The following TENM2 variants were observed in gnomAD, a reference collection of about 807,000 sequenced individuals.
The protein encoded by TENM2 is teneurin transmembrane protein 2, also known as teneurin-2.
Under a neutral mutation model 245.2 loss-of-function variants are expected in TENM2, and 52 were observed. The ratio of observed to expected loss-of-function variants is 0.21; its 90% CI spans 0.17 to 0.27. The LOEUF is 0.27. Ranked by LOEUF, TENM2 falls within the 10% of genes least tolerant of loss-of-function variation. TENM2 has a pLI of 1.00. For missense variants in TENM2, 3,046 were observed against 3,666.8 expected (o/e 0.83, Z 4.37); for synonymous variants, 1,363 against 1,438.9 (o/e 0.95, Z 1.19).
At chr5:167,165,802 T>TA in the TENM2 span, among the ~76,000 whole-genome samples, 1 of 152,204 alleles carries the variant, frequency 6.6e-6, no homozygotes. Context: ...ATACCTTTTA[T>TA]AAAAGTTTAT....
Position 167,876,737 on chromosome 5 carries a change from G to A in TENM2, c.712+542G>A, listed in dbSNP as rs1056610282. Among the ~76,000 whole-genome samples, 27 of 152,138 alleles carry A rather than the reference G, an allele frequency of 1.8e-4. 1 individual carries two copies. The highest frequency in any genetic ancestry group is 5.2e-4 in the Admixed American group (8 of 15,268). The stretch of plus-strand genomic sequence containing the variant: ...TTGCCAAGTCTGAAGTGTTTGGGGG[G>A]TGACCTCTCCTGTAACCCTTTGCTT... On this transcript the variant is annotated intron_variant, in intron 3 of 28. Transcript: ENST00000518659.
the TENM2 span, among the ~76,000 whole-genome samples, chr5:167,151,653 G>A: frequency 6.6e-6 from 1 of 151,930 alleles, no homozygotes; most frequent in Non-Finnish European, 1.5e-5. Flanking sequence ...TGAGTAGCTG[G>A]GACTACAGGC....
intron 2 of TENM2, among the ~76,000 whole-genome samples, chr5:167,586,808 G>T (rs1012261196): frequency 3.3e-5 from 5 of 152,134 alleles, no homozygotes; most frequent in African/African-American, 1.2e-4. Context: ...CCAGAGTAAA[G>T]AAAGAATTTT....
the TENM2 span, among the ~76,000 whole-genome samples, chr5:166,997,466 A>G: frequency 6.6e-6 from 1 of 152,178 alleles, no homozygotes; most frequent in Non-Finnish European, 1.5e-5. Flanking sequence ...TGACTCCAGA[A>G]CGTTCCTCTT....
At chr5:168,184,788 C>T (rs145262445) in intron 13 of TENM2, among the ~76,000 whole-genome samples, 5 of 152,280 alleles carry the variant, frequency 3.3e-5, no homozygotes, top group Non-Finnish European at 5.9e-5. Flanking sequence ...TACTAGTAAG[C>T]GTTTAATGGA....
chr5:168,097,369 C>T (rs142117518), intron 8 of TENM2, among the ~76,000 whole-genome samples: 120 of 152,176 alleles, frequency 7.9e-4, no homozygotes, highest in African/African-American at 2.7e-3. Context: ...AACGTGGGAG[C>T]TTTCATAGTT....
intron 7 of TENM2, among the ~76,000 whole-genome samples, chr5:168,087,841 T>A (rs1449513225): frequency 6.6e-6 from 1 of 152,118 alleles, no homozygotes; most frequent in African/African-American, 2.4e-5. Flanking sequence ...AATAAAGGGC[T>A]ACAGGATTGA....
intron 1 of TENM2, among the ~76,000 whole-genome samples, chr5:167,351,979 G>A (rs1359376854): frequency 6.6e-6 from 1 of 152,130 alleles, no homozygotes; most frequent in African/African-American, 2.4e-5. Flanking sequence ...TAATAAAAGT[G>A]TATTTAAGTG....
chr5:167,277,898 A>G, the TENM2 span, among the ~76,000 whole-genome samples: 4 of 152,020 alleles, frequency 2.6e-5, no homozygotes, highest in Non-Finnish European at 5.9e-5. Context: ...TGTAAGGTTC[A>G]CTTTATCCAA....
At chr5:167,052,885 C>T in the TENM2 span, among the ~76,000 whole-genome samples, 1 of 151,994 alleles carries the variant, frequency 6.6e-6, no homozygotes, top group African/African-American at 2.4e-5. Context: ...TTTAGAAGCT[C>T]AGTGACATTC....
At chr5:167,280,802 CT>C (rs1185324128), upstream of TENM2, among the ~76,000 whole-genome samples, 18 of 151,394 alleles carry the variant, frequency 1.2e-4, no homozygotes, top group Non-Finnish European at 2.6e-4. Context: ...ATCTATCTAT[CT>C]ATCTGTCATC....
chr5:168,040,896 A>G (rs72824978), intron 5 of TENM2, among the ~76,000 whole-genome samples: 1 of 152,320 alleles, frequency 6.6e-6, no homozygotes, highest in Non-Finnish European at 1.5e-5. Context: ...GAGCAGATTT[A>G]TTTTACGTTG....
chr5:167,288,075 C>T (rs1004235727), intron 1 of TENM2, among the ~76,000 whole-genome samples: 2 of 151,770 alleles, frequency 1.3e-5, no homozygotes, highest in African/African-American at 2.4e-5. Context: ...TTTTGGACCC[C>T]GGAGTTAGGG....
At chr5:168,199,237 A>G in intron 16 of TENM2, 123 bp downstream of exon 18, 1 of 1,067,858 alleles carries the variant, frequency 9.4e-7, no homozygotes, top group South Asian at 1.7e-5. Flanking sequence ...GTGGGAGCAT[A>G]ATAAAATTTA....
chr5:167,133,814 T>C, the TENM2 span, among the ~76,000 whole-genome samples: 1 of 150,626 alleles, frequency 6.6e-6, no homozygotes, highest in African/African-American at 2.5e-5. Context: ...CTTAATGTCA[T>C]GCTTGGGGCG....
intron 5 of TENM2, among the ~76,000 whole-genome samples, chr5:168,017,257 C>T (rs1785736977): frequency 6.6e-6 from 1 of 152,210 alleles, no homozygotes; most frequent in African/African-American, 2.4e-5. Flanking sequence ...TTGGATATCA[C>T]TTAAACCTCC....
At chr5:168,259,002 G>A (rs1767941889) in intron 27 of TENM2, among the ~76,000 whole-genome samples, 1 of 151,886 alleles carries the variant, frequency 6.6e-6, no homozygotes, top group Non-Finnish European at 1.5e-5. Context: ...GGCTAACATG[G>A]CAAAGCCCCG....
intron 2 of TENM2, among the ~76,000 whole-genome samples, chr5:167,397,238 C>T (rs183955369): frequency 4.0e-5 from 6 of 151,380 alleles, no homozygotes; most frequent in African/African-American, 1.2e-4. Context: ...GGAGAGAATG[C>T]AGGAAAATGA....
chr5:167,474,759 G>A (rs1031401842), intron 2 of TENM2, among the ~76,000 whole-genome samples: 7 of 151,982 alleles, frequency 4.6e-5, no homozygotes, highest in South Asian at 2.1e-4. Context: ...CAGGTGATCC[G>A]CTCGCCTCAG....
Sources: allele counts gnomAD v4.1 joint callset (sites outside exome capture counted in the v4.1 genomes callset), GRCh38; gene constraint gnomAD v4.1.1; transcripts MANE v1.5; gene names NCBI Gene and HGNC (gene_info 2026-07-23, HGNC 2026-07-21).